The following OR7E24 variants were observed in gnomAD, a reference collection of about 807,000 sequenced individuals.
The protein encoded by OR7E24 is olfactory receptor 7E24.
For synonymous variants in OR7E24, 130 were observed against 157.5 expected, an observed-to-expected ratio of 0.83 and a Z score of 1.31; for missense variants, 385 against 410.3, an observed-to-expected ratio of 0.94 and a Z score of 0.53.
chr19:9,218,146 G>A, the OR7E24 span, among the ~76,000 whole-genome samples: 1 of 152,158 alleles, frequency 6.6e-6, no homozygotes, highest in Middle Eastern at 3.2e-3. Context: ...TACTGATTCT[G>A]AGCAAGTACA....
chr19:9,245,641 A>G (rs1046474934), upstream of OR7E24, among the ~76,000 whole-genome samples: 2 of 152,230 alleles, frequency 1.3e-5, no homozygotes, highest in African/African-American at 2.4e-5. Flanking sequence ...TTCGAACTCA[A>G]TTGAACATGG....
At chr19:9,237,977 A>G in the OR7E24 span, among the ~76,000 whole-genome samples, 1 of 144,524 alleles carries the variant, frequency 6.9e-6, no homozygotes, top group Non-Finnish European at 1.5e-5. Flanking sequence ...ATACTTTTTT[A>G]AAAAAACAAC....
chr19:9,229,312 C>T, the OR7E24 span, among the ~76,000 whole-genome samples: 73 of 151,850 alleles, frequency 4.8e-4, 1 homozygote, highest in African/African-American at 1.7e-3. Flanking sequence ...GGTGGATCAC[C>T]GGAGGTCAGG....
the OR7E24 span, chr19:9,235,589 G>T: frequency 9.6e-6 from 15 of 1,559,234 alleles, no homozygotes; most frequent in East Asian, 2.5e-4. Flanking sequence ...CTGGCATCTT[G>T]GTTCATCATT....
At chr19:9,246,783 T>C (rs987894824), upstream of OR7E24, among the ~76,000 whole-genome samples, 1 of 152,210 alleles carries the variant, frequency 6.6e-6, no homozygotes, top group African/African-American at 2.4e-5. Context: ...ATTCTATTTA[T>C]GTCAAGTATT....
rs1463809173 is a variant in OR7E24, at chr19:9,251,879, G to C, written c.836G>C (p.Ser279Thr). The change falls in exon 1 of 1, where the codon AGT becomes ACT. Residue 279 changes from serine to threonine, a missense_variant. Coordinates refer to ENST00000456448, the MANE Select transcript of OR7E24 (RefSeq NM_001079935.2). ...GGAACAGGGCTTGTAGGGTACCTCA[G>C]TTCAGCTGTGTTACCATCCCCCAGG... is the stretch of plus-strand genomic sequence containing the variant. ...FYGTGLVGYL[S>T]SAVLPSPRKS... The C allele has an allele frequency of 6.2e-7, 1 of 1,613,962 alleles. No individual in the cohort carries two copies. Among genetic ancestry groups the C allele is most frequent in the Non-Finnish European group, 8.5e-7 (1 of 1,180,024 alleles).
chr19:9,226,753 C>A, the OR7E24 span, among the ~76,000 whole-genome samples: 1 of 152,202 alleles, frequency 6.6e-6, no homozygotes, highest in African/African-American at 2.4e-5. Flanking sequence ...TGAAGAGGAA[C>A]CTCTACTTAC....
chr19:9,231,108 TG>T, the OR7E24 span, among the ~76,000 whole-genome samples: 1 of 151,932 alleles, frequency 6.6e-6, no homozygotes, highest in Non-Finnish European at 1.5e-5. Context: ...TTATTAGAAA[TG>T]GGGTTTCACC....
the OR7E24 span, chr19:9,214,862 G>A: frequency 4.8e-6 from 7 of 1,463,382 alleles, no homozygotes; most frequent in South Asian, 1.3e-5. Context: ...TGCTGGGGAA[G>A]GAGGAAAAAG....
At chr19:9,227,562 A>C in the OR7E24 span, among the ~76,000 whole-genome samples, 1 of 151,946 alleles carries the variant, frequency 6.6e-6, no homozygotes, top group East Asian at 1.9e-4. Context: ...ATAGTATTCC[A>C]TGGTGTATAT....
chr19:9,217,705 AT>A, the OR7E24 span, among the ~76,000 whole-genome samples: 2 of 151,980 alleles, frequency 1.3e-5, no homozygotes, highest in African/African-American at 4.8e-5. Flanking sequence ...CGCTCAGCTA[AT>A]TTTTTTATTT....
the OR7E24 span, chr19:9,211,845 A>G: frequency 6.6e-6 from 1 of 150,472 alleles, no homozygotes; most frequent in Admixed American, 6.6e-5. Context: ...CTTTATTTAC[A>G]TGGTTCATTC....
the OR7E24 span, chr19:9,208,379 A>G: frequency 6.6e-6 from 1 of 152,308 alleles, no homozygotes; most frequent in African/African-American, 2.4e-5. Context: ...GAACAAAAGT[A>G]TGTTGGAGTT....
chr19:9,227,028 G>C, the OR7E24 span, among the ~76,000 whole-genome samples: 1 of 152,066 alleles, frequency 6.6e-6, no homozygotes, highest in Non-Finnish European at 1.5e-5. Flanking sequence ...TATTTTTCCT[G>C]ATCCTCTTAC....
upstream of OR7E24, among the ~76,000 whole-genome samples, chr19:9,247,079 TAAA>T (rs2066132603): frequency 6.6e-6 from 1 of 152,010 alleles, no homozygotes; most frequent in African/African-American, 2.4e-5. Flanking sequence ...TTTTATATAA[TAAA>T]AAGGAAAATA....
At chr19:9,234,145 G>A in the OR7E24 span, among the ~76,000 whole-genome samples, 329 of 152,136 alleles carry the variant, frequency 2.2e-3, 3 homozygotes, top group African/African-American at 7.4e-3. Flanking sequence ...CTCGTGATCC[G>A]CTCACCTCGG....
chr19:9,232,501 G>A, the OR7E24 span, among the ~76,000 whole-genome samples: 2 of 137,780 alleles, frequency 1.5e-5, no homozygotes, highest in South Asian at 2.2e-4. Context: ...TCGCGCCACT[G>A]CACTGCAGCC....
the OR7E24 span, among the ~76,000 whole-genome samples, chr19:9,231,741 C>A: frequency 6.6e-6 from 1 of 151,962 alleles, no homozygotes; most frequent in African/African-American, 2.4e-5. Flanking sequence ...ACTATGTAAA[C>A]AAACATCCTA....
At chr19:9,219,745 T>C in the OR7E24 span, among the ~76,000 whole-genome samples, 1 of 152,236 alleles carries the variant, frequency 6.6e-6, no homozygotes, top group African/African-American at 2.4e-5. Context: ...CCAAAGAGTT[T>C]GGCTCCCTTT....
Sources: gnomAD v4.1 joint callset for allele counts (sites outside exome capture counted in the v4.1 genomes callset) on GRCh38, gnomAD v4.1.1 for gene constraint, MANE v1.5 for transcripts, NCBI Gene and HGNC (gene_info 2026-07-23, HGNC 2026-07-21) for gene names.